VWA3B: variants seen among roughly 807,000 people sequenced by gnomAD.
The protein encoded by VWA3B is von Willebrand factor A domain containing 3B.
Under a neutral mutation model 158.3 loss-of-function variants are expected in VWA3B, and 138 were observed. The ratio of observed to expected loss-of-function variants is 0.87; its 90% CI spans 0.76 to 1.00. The LOEUF is 1.00. Among genes scored for constraint, VWA3B ranks in the 50% least tolerant of loss-of-function variants. VWA3B has a pLI of 0.00. For synonymous variants in VWA3B, 596 were observed against 587.3 expected (o/e 1.01, Z -0.21); for missense variants, 1,555 against 1,565.1 (o/e 0.99, Z 0.11).
chr2:98,212,118 AC>A, intron 13 of VWA3B, 90 bp downstream of exon 13: 1 of 1,119,676 alleles, frequency 8.9e-7, no homozygotes, highest in East Asian at 2.4e-5. Flanking sequence ...TTCAGCTGCC[AC>A]CAAAAATCTG....
chr2:98,312,166 C>A, intron 27 of VWA3B, 34 bp from the exon 28 acceptor site: 1 of 1,614,188 alleles, frequency 6.2e-7, no homozygotes, highest in Non-Finnish European at 8.5e-7. Flanking sequence ...AAGACCCTAA[C>A]ATCCTTAAGT....
At chr2:98,100,306 G>A (rs961933138) in intron 2 of VWA3B, among the ~76,000 whole-genome samples, 1 of 152,310 alleles carries the variant, frequency 6.6e-6, no homozygotes, top group East Asian at 1.9e-4. Flanking sequence ...GCAGCACTAG[G>A]GGGTGTCCTA....
intron 12 of VWA3B, among the ~76,000 whole-genome samples, chr2:98,209,759 G>A (rs1268795498): frequency 6.6e-6 from 1 of 152,178 alleles, no homozygotes; most frequent in Non-Finnish European, 1.5e-5. Context: ...ATTCGAATGT[G>A]ATATTTCTGG....
chr2:98,168,469 C>T (rs540932783), intron 8 of VWA3B, among the ~76,000 whole-genome samples: 1 of 152,028 alleles, frequency 6.6e-6, no homozygotes, highest in South Asian at 2.1e-4. Flanking sequence ...AATGTCCTAT[C>T]TCTATTTAAA....
At chr2:98,204,734 T>G (rs1049149771) in intron 12 of VWA3B, among the ~76,000 whole-genome samples, 3 of 152,164 alleles carry the variant, frequency 2.0e-5, no homozygotes, top group Admixed American at 1.3e-4. Flanking sequence ...ATAGAGTGAG[T>G]TGGGAAGTAT....
intron 13 of VWA3B, among the ~76,000 whole-genome samples, chr2:98,213,813 T>C (rs772797567): frequency 1.3e-5 from 2 of 152,170 alleles, no homozygotes; most frequent in African/African-American, 2.4e-5. Context: ...AGTCAAGGTG[T>C]ATTTTTCTTT....
At chr2:98,217,063 G>T in intron 13 of VWA3B, 1 of 1,071,386 alleles carries the variant, frequency 9.3e-7, no homozygotes, top group South Asian at 1.5e-5. Flanking sequence ...GTGCTGGGGA[G>T]CTGGGCAGAG....
intron 19 of VWA3B, among the ~76,000 whole-genome samples, chr2:98,243,479 A>C (rs1401682756): frequency 6.6e-6 from 1 of 151,940 alleles, no homozygotes; most frequent in African/African-American, 2.4e-5. Context: ...GATTACAGGC[A>C]CGCACCACCA....
chr2:98,178,405 T>C lies in VWA3B; in HGVS notation c.1115-2611T>C, dbSNP rs143258511. Among the ~76,000 whole-genome samples the C allele has an allele frequency of 9.0e-3, 1,365 of 152,242 alleles. 11 individuals carry two copies. Among genetic ancestry groups the C allele is most frequent in the Non-Finnish European group, 0.013 (889 of 68,012 alleles). Reference sequence around the variant, plus strand: ...TTCTATTAAAATTCAAGGACATGGGTCTCATGAAGCATTAATGGGCAGGTC... The same window carrying C: ...TTCTATTAAAATTCAAGGACATGGGCCTCATGAAGCATTAATGGGCAGGTC... On this transcript the variant is annotated intron_variant, in intron 8 of 27. Transcript: ENST00000477737.
intron 25 of VWA3B, among the ~76,000 whole-genome samples, chr2:98,300,816 A>AC (rs1420016373): frequency 1.3e-5 from 2 of 151,406 alleles, no homozygotes; most frequent in Admixed American, 6.6e-5. Flanking sequence ...AAGCCAGTGC[A>AC]CCCCCTTTCC....
At chr2:98,215,604 A>G (rs12466166) in intron 13 of VWA3B, among the ~76,000 whole-genome samples, 1 of 147,376 alleles carries the variant, frequency 6.8e-6, no homozygotes, top group African/African-American at 2.5e-5. Flanking sequence ...TGCAAGCTCC[A>G]CCTCCCGGGT....
At chr2:98,102,131 C>T (rs1223841124) in intron 2 of VWA3B, among the ~76,000 whole-genome samples, 1 of 152,078 alleles carries the variant, frequency 6.6e-6, no homozygotes, top group Non-Finnish European at 1.5e-5. Context: ...TTGCACTGCC[C>T]TTAATCCATT....
intron 23 of VWA3B, among the ~76,000 whole-genome samples, chr2:98,293,130 G>A (rs557542233): frequency 6.6e-6 from 1 of 152,096 alleles, no homozygotes; most frequent in Non-Finnish European, 1.5e-5. Flanking sequence ...AAGACCTACT[G>A]GGGGGAGTAG....
At chr2:98,115,101 CTTTT>C (rs369549458) in intron 2 of VWA3B, among the ~76,000 whole-genome samples, 6 of 131,624 alleles carry the variant, frequency 4.6e-5, no homozygotes, top group Admixed American at 7.7e-5. Context: ...TCCTATGTTG[CTTTT>C]TTTTTTTTTT....
intron 25 of VWA3B, 105 bp downstream of exon 25, chr2:98,300,321 T>A: frequency 2.7e-6 from 4 of 1,469,136 alleles, no homozygotes; most frequent in Non-Finnish European, 3.7e-6. Flanking sequence ...CTGCATCTGC[T>A]GCCCTGCTCT....
At chr2:98,297,854 G>T in intron 23 of VWA3B, 53 bp from the exon 24 acceptor site, 1 of 1,442,984 alleles carries the variant, frequency 6.9e-7, no homozygotes. Flanking sequence ...ACAAGCCTAA[G>T]GGAAGGGATG....
intron 19 of VWA3B, 88 bp from the exon 20 acceptor site, chr2:98,250,230 C>T: frequency 2.3e-6 from 2 of 878,848 alleles, no homozygotes; most frequent in Non-Finnish European, 3.5e-6. Context: ...TCAGAGAAAA[C>T]ATGTTATACA....
chr2:98,182,209 C>T (rs1680651173), intron 9 of VWA3B, among the ~76,000 whole-genome samples: 1 of 152,284 alleles, frequency 6.6e-6, no homozygotes, highest in South Asian at 2.1e-4. Context: ...AGTGTCACCT[C>T]ATGTATTCTT....
chr2:98,214,334 A>G (rs1683796394), intron 13 of VWA3B, among the ~76,000 whole-genome samples: 1 of 152,154 alleles, frequency 6.6e-6, no homozygotes, highest in African/African-American at 2.4e-5. Flanking sequence ...AAAATTCTTC[A>G]GGAGCATCCT....
Sources: allele counts gnomAD v4.1 joint callset (sites outside exome capture counted in the v4.1 genomes callset), GRCh38; gene constraint gnomAD v4.1.1; transcripts MANE v1.5; gene names NCBI Gene and HGNC (gene_info 2026-07-23, HGNC 2026-07-21).